ATAD2B: variants seen among roughly 807,000 people sequenced by gnomAD.
The protein encoded by ATAD2B is ATPase family AAA domain containing 2B, also known as ATPase family AAA domain-containing protein 2B.
A neutral mutation model predicts 167.6 loss-of-function variants in ATAD2B; 40 were observed. The observed-to-expected ratio is 0.24, with a 90% confidence interval of 0.19 to 0.31. The LOEUF is 0.31. Ranked by LOEUF, ATAD2B falls within the 10% of genes least tolerant of loss-of-function variation. ATAD2B has a pLI of 1.00. For missense variants in ATAD2B, 1,242 were observed against 1,757.2 expected, an observed-to-expected ratio of 0.71 and a Z score of 5.24; for synonymous variants, 579 against 596.5, an observed-to-expected ratio of 0.97 and a Z score of 0.43.
chr2:23,807,206 A>G (rs1167741025), intron 18 of ATAD2B, among the ~76,000 whole-genome samples: 1 of 152,200 alleles, frequency 6.6e-6, no homozygotes, highest in Non-Finnish European at 1.5e-5. Flanking sequence ...CATTTAATTG[A>G]TATCTAAAGC....
the ATAD2B span, among the ~76,000 whole-genome samples, chr2:23,684,981 G>C: frequency 6.6e-6 from 1 of 152,216 alleles, no homozygotes; most frequent in Non-Finnish European, 1.5e-5. The surrounding 1 kb of genome is among the most constrained non-coding windows in gnomAD (Gnocchi z 4.4). Context: ...CCAGGAAAGC[G>C]CATCGGCCAG....
At chr2:23,788,802 T>A (rs1043607478) in intron 19 of ATAD2B, among the ~76,000 whole-genome samples, 155 bp from the exon 20 acceptor site, 2 of 152,066 alleles carry the variant, frequency 1.3e-5, no homozygotes, top group African/African-American at 4.8e-5. Context: ...TAGGCTATGC[T>A]GTTGAAGGGT....
chr2:23,880,789 G>A (rs1382537456), intron 6 of ATAD2B, 34 bp from the exon 7 acceptor site: 2 of 1,284,248 alleles, frequency 1.6e-6, no homozygotes, highest in Non-Finnish European at 1.1e-6. Context: ...AAAGAAAAAG[G>A]CATTATTTTA....
chr2:23,868,754 CATT>C (rs1695509902), intron 9 of ATAD2B, among the ~76,000 whole-genome samples: 1 of 152,038 alleles, frequency 6.6e-6, no homozygotes, highest in South Asian at 2.1e-4. Context: ...TTATTTAACA[CATT>C]ATTTAATATA....
At chr2:23,850,138 CAAAAAAA>C (rs751139594) in intron 13 of ATAD2B, among the ~76,000 whole-genome samples, 1 of 58,244 alleles carries the variant, frequency 1.7e-5, no homozygotes, top group Admixed American at 1.8e-4. Context: ...GACTCCGTCT[CAAAAAAA>C]AAAAAAAAAA....
chr2:23,781,825 T>C (rs1251149131), intron 22 of ATAD2B, among the ~76,000 whole-genome samples: 1 of 152,030 alleles, frequency 6.6e-6, no homozygotes, highest in Non-Finnish European at 1.5e-5. Flanking sequence ...CTTTCCTTTT[T>C]ATTTTGAGAA....
At chr2:23,837,203 C>A (rs141320517) in intron 13 of ATAD2B, among the ~76,000 whole-genome samples, 1 of 152,216 alleles carries the variant, frequency 6.6e-6, no homozygotes, top group Non-Finnish European at 1.5e-5. Context: ...CCCAAGAGTG[C>A]GCACAACCAG....
In ATAD2B at chr2:23,823,270, C is replaced by A; in HGVS notation, c.2119G>T (p.Asp707Tyr). Residue 707 changes from aspartate to tyrosine, a missense_variant, in exon 16 of 28, where the codon GAC becomes TAC. Asp to Tyr is a radical substitution (Grantham distance 160, BLOSUM62 -3). Transcript: ENST00000238789. ...TAGTTTAGAGTACCTTCTTTTTTGT[C>A]ACTCTGGCTAATTTCAGCATGAGGA... ...VFPHAEISQS[D>Y]KKEDIETLIL... The A allele has an allele frequency of 1.2e-6, 2 of 1,600,246 alleles. No individual in the cohort carries two copies. Among genetic ancestry groups the A allele is most frequent in the South Asian group, 2.2e-5 (2 of 89,422 alleles).
intron 13 of ATAD2B, among the ~76,000 whole-genome samples, chr2:23,836,226 C>T (rs1053560008): frequency 3.3e-5 from 5 of 152,166 alleles, no homozygotes; most frequent in Non-Finnish European, 5.9e-5. Context: ...TGCACCGGGG[C>T]GGGCAGCTCC....
intron 19 of ATAD2B, among the ~76,000 whole-genome samples, chr2:23,797,345 T>C (rs923035196): frequency 8.5e-5 from 13 of 152,098 alleles, no homozygotes; most frequent in Middle Eastern, 3.2e-3. Flanking sequence ...TGATCTACTA[T>C]TTTTTTCTGA....
At chr2:23,773,895 C>T (rs1193883472) in intron 22 of ATAD2B, among the ~76,000 whole-genome samples, 2 of 152,142 alleles carry the variant, frequency 1.3e-5, no homozygotes, top group Non-Finnish European at 2.9e-5. Context: ...CATTTGTCTT[C>T]AGCAAAAAGT....
At chr2:23,799,580 AAAAAAAAAAG>A (rs1055954068) in intron 18 of ATAD2B, among the ~76,000 whole-genome samples, 2 of 150,624 alleles carry the variant, frequency 1.3e-5, no homozygotes, top group African/African-American at 2.4e-5. Context: ...CAAAAAAAAA[AAAAAAAAAAG>A]AAAAGAAAAA....
At chr2:23,849,353 CA>C (rs2149879953) in intron 13 of ATAD2B, among the ~76,000 whole-genome samples, 1 of 152,188 alleles carries the variant, frequency 6.6e-6, no homozygotes, top group African/African-American at 2.4e-5. Context: ...TAAACATGGA[CA>C]TTTCATAATA....
chr2:23,704,569 C>A, the ATAD2B span, among the ~76,000 whole-genome samples: 1 of 152,302 alleles, frequency 6.6e-6, no homozygotes, highest in South Asian at 2.1e-4. Flanking sequence ...GAGTTCAAGA[C>A]CAGCTTGGCC....
rs558904352 is a variant in ATAD2B, at chr2:23,883,362, C to T, written c.784+1403G>A. ...AAAGCATTATTTGAAAAATTTTTAT[C>T]GTTAGGTTGTAGAGAAAAATCAACA... On this transcript the variant is annotated intron_variant, in intron 6 of 27. Transcript: ENST00000238789. Among the ~76,000 whole-genome samples, 3 of 150,304 alleles carry T rather than the reference C, an allele frequency of 2.0e-5. No homozygotes were observed. The South Asian group carries it at 6.3e-4, about 32-fold the overall frequency.
the ATAD2B span, among the ~76,000 whole-genome samples, chr2:23,723,350 G>C: frequency 6.9e-6 from 1 of 145,942 alleles, no homozygotes; most frequent in South Asian, 2.3e-4. Flanking sequence ...AAAGGAAGGG[G>C]AGGGGATGGG....
the ATAD2B span, among the ~76,000 whole-genome samples, chr2:23,693,911 G>A: frequency 6.6e-6 from 1 of 152,230 alleles, no homozygotes; most frequent in African/African-American, 2.4e-5. Flanking sequence ...GGAAGAGGGA[G>A]AGTGAGGTCC....
At chr2:23,862,740 C>T (rs1250268575) in intron 12 of ATAD2B, among the ~76,000 whole-genome samples, 1 of 152,116 alleles carries the variant, frequency 6.6e-6, no homozygotes, top group Admixed American at 6.6e-5. Flanking sequence ...ATGAAAATAA[C>T]ACACTACTTT....
At chr2:23,781,485 T>G (rs946450697) in intron 22 of ATAD2B, among the ~76,000 whole-genome samples, 1 of 151,994 alleles carries the variant, frequency 6.6e-6, no homozygotes, top group Non-Finnish European at 1.5e-5. Flanking sequence ...GCCAACATGG[T>G]GAAACCCCAT....
Sources: allele counts gnomAD v4.1 joint callset (sites outside exome capture counted in the v4.1 genomes callset), GRCh38; gene constraint gnomAD v4.1.1; non-coding constraint Gnocchi (gnomAD v3.1); transcripts MANE v1.5; gene names NCBI Gene and HGNC (gene_info 2026-07-23, HGNC 2026-07-21).